CBL: variants seen among roughly 807,000 people sequenced by gnomAD.
The protein encoded by CBL is Cbl proto-oncogene.
A neutral mutation model predicts 96.9 loss-of-function variants in CBL; 45 were observed. That is an observed-to-expected ratio of 0.46 (90% CI 0.37 to 0.60). The LOEUF is 0.60. Ranked by LOEUF, CBL falls within the 20% of genes least tolerant of loss-of-function variation. The pLI is 0.00. For synonymous variants in CBL, 420 were observed against 426.8 expected (o/e 0.98, Z 0.20); for missense variants, 1,024 against 1,143.5 (o/e 0.90, Z 1.51).
At chr11:119,294,917 G>C (rs570176315) in intron 12 of CBL, among the ~76,000 whole-genome samples, 4 of 152,046 alleles carry the variant, frequency 2.6e-5, no homozygotes, top group Non-Finnish European at 4.4e-5. Context: ...TTCCTTGTAT[G>C]AAATCATATT....
At position 119,245,173 on chromosome 11, in the gene CBL, G is replaced by GTTT. The variant is rs55688715; in HGVS notation, c.443+12492_443+12494dup. 1.5e-3 allele frequency among the ~76,000 whole-genome samples: 215 copies of GTTT among 143,430 alleles called. 8 individuals are homozygous for GTTT. The highest frequency in any genetic ancestry group is 4.8e-3 in the South Asian group (22 of 4,538). 94.1% of individuals were successfully genotyped at this position (143,430 alleles called of 152,430 possible). A position where few individuals can be genotyped will look rare whatever the true frequency, so the allele number is the denominator to read the frequency against. ...AGGTGTGAGCCACCTTGCCCGACCA[G>GTTT]TTTTTTTTTTTTTTTTAAACCAGAT... is the stretch of plus-strand genomic sequence containing the variant. On this transcript the variant is annotated intron_variant, in intron 2 of 15. Coordinates refer to ENST00000264033, the MANE Select transcript of CBL (RefSeq NM_005188.4).
chr11:119,214,924 T>TGCTC (rs1949346965), intron 1 of CBL, among the ~76,000 whole-genome samples: 1 of 145,296 alleles, frequency 6.9e-6, no homozygotes, highest in Non-Finnish European at 1.5e-5. Flanking sequence ...TTTTAGTGAG[T>TGCTC]GCTCATTAAG....
At chr11:119,262,512 C>T (rs1032051371) in intron 2 of CBL, among the ~76,000 whole-genome samples, 1 of 152,102 alleles carries the variant, frequency 6.6e-6, no homozygotes, top group African/African-American at 2.4e-5. Context: ...GAACTCCCTG[C>T]GTGGTCTTTA....
intron 1 of CBL, among the ~76,000 whole-genome samples, chr11:119,214,249 T>C (rs1043824594): frequency 2.6e-5 from 4 of 151,872 alleles, no homozygotes; most frequent in Admixed American, 6.6e-5. Context: ...GGACTTTTTT[T>C]TTTTTTTTAA....
intron 2 of CBL, among the ~76,000 whole-genome samples, chr11:119,233,391 G>A (rs1949519562): frequency 6.6e-6 from 1 of 152,100 alleles, no homozygotes; most frequent in African/African-American, 2.4e-5. Flanking sequence ...GCACCACCAT[G>A]CCTGATTAAT....
rs930221370 is a variant in CBL at position 119,285,314 on chromosome 11, C to T, written c.1689C>T (p.Arg563=). The change falls in exon 11 of 16, where the codon CGC becomes CGT. Residue 563 remains arginine (R), a synonymous_variant. Transcript: ENST00000264033. ...GAGCAGAATCCCGACCTCAAAGACG[C>T]CCCTTGCCTTGTACACCAGGCGACT... ...SVGAESRPQR[R]PLPCTPGDCP... The T allele has an allele frequency of 1.2e-6, 2 of 1,614,044 alleles. No individual in the cohort carries two copies. The highest frequency in any genetic ancestry group is 1.7e-6 in the Non-Finnish European group (2 of 1,180,040).
chr11:119,266,062 G>A (rs2135292155), intron 2 of CBL, among the ~76,000 whole-genome samples: 1 of 148,604 alleles, frequency 6.7e-6, no homozygotes, highest in African/African-American at 2.5e-5. Flanking sequence ...AATTAGCCAG[G>A]CATAGTGGCC....
intron 1 of CBL, among the ~76,000 whole-genome samples, chr11:119,223,478 G>A (rs746641723): frequency 1.6e-4 from 24 of 151,062 alleles, no homozygotes; most frequent in African/African-American, 5.8e-4. Flanking sequence ...CACCCACACC[G>A]GAGTGCAGTG....
intron 2 of CBL, among the ~76,000 whole-genome samples, chr11:119,263,539 G>A (rs1949770958): frequency 6.6e-6 from 1 of 152,202 alleles, no homozygotes; most frequent in South Asian, 2.1e-4. Context: ...TCAAAAGCAG[G>A]ACCATGAGTA....
At chr11:119,262,882 C>T (rs1949764681) in intron 2 of CBL, among the ~76,000 whole-genome samples, 2 of 152,126 alleles carry the variant, frequency 1.3e-5, no homozygotes, top group Admixed American at 6.6e-5. Context: ...ATTTAGTAAC[C>T]GTAGTCATTG....
intron 1 of CBL, among the ~76,000 whole-genome samples, chr11:119,216,474 C>T (rs575706589): frequency 1.2e-4 from 18 of 152,012 alleles, no homozygotes; most frequent in Middle Eastern, 6.8e-3. Context: ...CGGGTTCAAG[C>T]GATTGTCCTG....
intron 2 of CBL, among the ~76,000 whole-genome samples, chr11:119,246,349 G>A (rs1565863553): frequency 6.6e-6 from 1 of 152,100 alleles, no homozygotes; most frequent in Non-Finnish European, 1.5e-5. Flanking sequence ...GTGTTACAGT[G>A]TGATATTTTG....
intron 2 of CBL, among the ~76,000 whole-genome samples, chr11:119,242,861 C>G (rs769507489): frequency 3.3e-5 from 5 of 150,852 alleles, no homozygotes; most frequent in Admixed American, 6.6e-5. Flanking sequence ...AAAAATTTTT[C>G]TCTCAAATCT....
chr11:119,269,335 C>T (rs1949826240), intron 2 of CBL, among the ~76,000 whole-genome samples: 1 of 150,382 alleles, frequency 6.6e-6, no homozygotes, highest in Non-Finnish European at 1.5e-5. Context: ...CAACCTCTGC[C>T]TCAGCCTCTT....
chr11:119,213,002 CAG>C (rs991519515), intron 1 of CBL, among the ~76,000 whole-genome samples: 1 of 151,094 alleles, frequency 6.6e-6, no homozygotes, highest in Non-Finnish European at 1.5e-5. Flanking sequence ...AAAATAGAGA[CAG>C]AATCTTGACA....
At chr11:119,288,056 C>T in intron 12 of CBL, 110 bp downstream of exon 12, 1 of 738,250 alleles carries the variant, frequency 1.4e-6, no homozygotes, top group Non-Finnish European at 2.4e-6. Flanking sequence ...ATAAAAATCT[C>T]TGCACCATGT....
chr11:119,229,087 GT>G (rs1281789896), intron 1 of CBL, among the ~76,000 whole-genome samples: 1 of 152,024 alleles, frequency 6.6e-6, no homozygotes, highest in African/African-American at 2.4e-5. Flanking sequence ...TTAGTTTTCA[GT>G]TTTTGCTAGA....
chr11:119,264,865 TTTTC>T (rs1949789418), intron 2 of CBL, among the ~76,000 whole-genome samples: 1 of 152,124 alleles, frequency 6.6e-6, no homozygotes, highest in African/African-American at 2.4e-5. Context: ...GCTAAATTAC[TTTTC>T]TTTGTTTTTC....
chr11:119,300,766 T>C lies in CBL; in HGVS notation c.*985T>C. On this transcript the variant is annotated 3_prime_UTR_variant, in exon 16 of 16. Transcript: ENST00000264033. ...TTGGTGCCAGGTATGTGTTCTGATG[T>C]AGGTCATGAGTCTTTCTACTTAATG... is the stretch of plus-strand genomic sequence containing the variant. 1 of 392,274 alleles carries C rather than the reference T, an allele frequency of 2.5e-6. No homozygotes were observed. The highest frequency in any genetic ancestry group is 4.5e-6 in the Non-Finnish European group (1 of 222,198). 24.3% of individuals were successfully genotyped at this position (392,274 alleles called of 1,614,324 possible).
Sources: allele counts gnomAD v4.1 joint callset (sites outside exome capture counted in the v4.1 genomes callset), GRCh38; gene constraint gnomAD v4.1.1; transcripts MANE v1.5; gene names NCBI Gene and HGNC (gene_info 2026-07-23, HGNC 2026-07-21).